Variants in KAZN observed in about 807,000 individuals in gnomAD.
KAZN encodes kazrin.
A neutral mutation model predicts 87.4 loss-of-function variants in KAZN; 40 were observed. The ratio of observed to expected loss-of-function variants is 0.46; its 90% confidence interval spans 0.36 to 0.60. KAZN has a LOEUF of 0.60. KAZN is among the 20% of genes least tolerant of loss of function. The probability of loss-of-function intolerance (pLI) is 0.00; values close to 1 mark genes in which losing one functional copy is unlikely to be tolerated. For missense variants in KAZN, 898 were observed against 1,073.9 expected, an observed-to-expected ratio of 0.84 and a Z score of 2.29; for synonymous variants, 466 against 458.3, an observed-to-expected ratio of 1.02 and a Z score of -0.22.
intron 2 of KAZN, among the ~76,000 whole-genome samples, chr1:14,425,601 C>T (rs1252854679): frequency 2.0e-5 from 3 of 152,144 alleles, no homozygotes; most frequent in Non-Finnish European, 2.9e-5. Flanking sequence ...CCGGTCTCAC[C>T]CCCACTAATT....
At chr1:14,789,041 T>C (rs2100680498) in intron 1 of KAZN, among the ~76,000 whole-genome samples, 2 of 152,344 alleles carry the variant, frequency 1.3e-5, no homozygotes, top group East Asian at 3.9e-4. Flanking sequence ...AGCAGAGTCC[T>C]GAAGGGATGG....
intron 2 of KAZN, among the ~76,000 whole-genome samples, chr1:14,440,562 T>A (rs1666642097): frequency 6.6e-6 from 1 of 152,192 alleles, no homozygotes; most frequent in Non-Finnish European, 1.5e-5. Context: ...CACTTTGTGG[T>A]TGCTCAAAAA....
chr1:14,861,207 G>A lies in KAZN; in HGVS notation c.227-99477G>A, dbSNP rs563232783. ...AGCCTGGCCAACATAGTGAAACCCT[G>A]TCTCTACTAAAAGTACAAAAATTAG... On this transcript the variant is annotated intron_variant, in intron 1 of 14. Coordinates refer to ENST00000376030, the MANE Select transcript of KAZN (RefSeq NM_201628.3). 3.3e-5 allele frequency among the ~76,000 whole-genome samples: 5 copies of A among 152,258 alleles called. No individual in the cohort carries two copies. The East Asian group carries it at 7.7e-4, about 24-fold the overall frequency.
At chr1:14,733,174 C>T (rs1240376167) in intron 1 of KAZN, among the ~76,000 whole-genome samples, 1 of 152,106 alleles carries the variant, frequency 6.6e-6, no homozygotes, top group East Asian at 1.9e-4. Context: ...GACAGAGGGA[C>T]TTTCCGCCCA....
intron 1 of KAZN, among the ~76,000 whole-genome samples, chr1:14,877,772 G>T (rs1652931077): frequency 6.6e-6 from 1 of 152,176 alleles, no homozygotes; most frequent in South Asian, 2.1e-4. Context: ...GCTTAGAACG[G>T]TACAGTGCTT....
intron 1 of KAZN, among the ~76,000 whole-genome samples, chr1:14,094,127 C>T (rs961335150): frequency 6.6e-6 from 1 of 152,026 alleles, no homozygotes; most frequent in African/African-American, 2.4e-5. Context: ...GGGATTCTAG[C>T]TTTTATGGCT....
At chr1:15,012,209 C>A (rs930955529) in intron 2 of KAZN, among the ~76,000 whole-genome samples, 1 of 152,052 alleles carries the variant, frequency 6.6e-6, no homozygotes, top group African/African-American at 2.4e-5. Flanking sequence ...CTACTCACAC[C>A]CCAGGACTTG....
At chr1:14,623,350 C>T (rs970195992) in intron 1 of KAZN, among the ~76,000 whole-genome samples, 15 of 152,210 alleles carry the variant, frequency 9.9e-5, no homozygotes, top group African/African-American at 3.6e-4. Flanking sequence ...CCATTATGCT[C>T]AGTGAACTAA....
intron 1 of KAZN, among the ~76,000 whole-genome samples, chr1:14,774,685 A>G (rs1057258951): frequency 6.6e-6 from 1 of 151,976 alleles, no homozygotes; most frequent in Admixed American, 6.6e-5. Flanking sequence ...AGTTCTCACT[A>G]TGCTGCCCAG....
At chr1:13,932,259 T>TA (rs59236382) in intron 1 of KAZN, among the ~76,000 whole-genome samples, 81,227 of 126,356 alleles carry the variant, frequency 0.64, 25,249 homozygotes, top group South Asian at 0.68. Flanking sequence ...TTATTAAACA[T>TA]TTTTTTTTTT....
intron 1 of KAZN, among the ~76,000 whole-genome samples, chr1:14,788,996 T>C (rs752126409): frequency 9.2e-5 from 14 of 152,202 alleles, no homozygotes; most frequent in South Asian, 2.1e-4. Flanking sequence ...AATGCCTTCA[T>C]GAGAACAAGT....
intron 2 of KAZN, among the ~76,000 whole-genome samples, chr1:14,467,585 T>G (rs1445212134): frequency 6.9e-6 from 1 of 144,836 alleles, no homozygotes; most frequent in Non-Finnish European, 1.5e-5. Context: ...ATTCTACAAG[T>G]GACAAACTTT....
At chr1:14,988,354 C>A (rs1667032357) in intron 2 of KAZN, among the ~76,000 whole-genome samples, 1 of 152,210 alleles carries the variant, frequency 6.6e-6, no homozygotes, top group Non-Finnish European at 1.5e-5. Context: ...GACACGGAGC[C>A]CCCAGGGGCA....
intron 2 of KAZN, among the ~76,000 whole-genome samples, chr1:14,187,822 A>G (rs971874183): frequency 6.6e-6 from 1 of 151,908 alleles, no homozygotes; most frequent in African/African-American, 2.4e-5. Context: ...TATTTATGGA[A>G]CTCTTTTGAT....
At chr1:14,670,472 G>A (rs942676901) in intron 1 of KAZN, among the ~76,000 whole-genome samples, 3 of 152,096 alleles carry the variant, frequency 2.0e-5, no homozygotes, top group African/African-American at 4.8e-5. Flanking sequence ...CTGCTCCAGG[G>A]GCTACACTTT....
chr1:14,147,326 C>T (rs1166075098), intron 1 of KAZN, among the ~76,000 whole-genome samples: 2 of 152,152 alleles, frequency 1.3e-5, no homozygotes, highest in East Asian at 3.9e-4. Flanking sequence ...TTGAAGAATG[C>T]AGGCCATGGA....
chr1:14,144,368 G>T (rs957225357), intron 1 of KAZN, among the ~76,000 whole-genome samples: 1 of 152,154 alleles, frequency 6.6e-6, no homozygotes, highest in Non-Finnish European at 1.5e-5. Context: ...GGGTACCTGG[G>T]ATGTAACTTT....
chr1:14,155,840 G>T (rs139163271), intron 1 of KAZN, among the ~76,000 whole-genome samples: 4,387 of 152,100 alleles, frequency 0.029, 210 homozygotes, highest in African/African-American at 0.1. Flanking sequence ...AGTAGAGATG[G>T]GGTTTCACCA....
chr1:14,718,039 G>C (rs932275028), intron 1 of KAZN, among the ~76,000 whole-genome samples: 3 of 152,330 alleles, frequency 2.0e-5, no homozygotes, highest in Non-Finnish European at 4.4e-5. Context: ...GGTGACTGGG[G>C]TAGCACCGCC....
Sources: gnomAD v4.1 joint callset for allele counts (sites outside exome capture counted in the v4.1 genomes callset) on GRCh38, gnomAD v4.1.1 for gene constraint, MANE v1.5 for transcripts, NCBI Gene and HGNC (gene_info 2026-07-23, HGNC 2026-07-21) for gene names.